RMND5A: variants seen among roughly 807,000 people sequenced by gnomAD.
RMND5A encodes the protein E3 ubiquitin-protein transferase RMND5A.
In RMND5A, 17 loss-of-function variants were observed where a neutral mutation model predicts 49.7. That is an observed-to-expected ratio of 0.34 (90% CI 0.23 to 0.51). The LOEUF is 0.51. RMND5A is among the 20% of genes least tolerant of loss of function. The probability of loss-of-function intolerance (pLI) is 0.96; values close to 1 mark genes in which losing one functional copy is unlikely to be tolerated. For synonymous variants in RMND5A, 156 were observed against 167.7 expected (o/e 0.93, Z 0.54); for missense variants, 255 against 471.3 (o/e 0.54, Z 4.25).
At chr2:86,769,972 A>G in intron 6 of RMND5A, 51 bp from the exon 7 acceptor site, 1 of 1,346,132 alleles carries the variant, frequency 7.4e-7, no homozygotes, top group Non-Finnish European at 1.1e-6. Context: ...CCTTGGACCA[A>G]GCGGCCTGAC....
At position 86,770,084 on chromosome 2, in the gene RMND5A, A is replaced by G; in HGVS notation, c.916A>G (p.Arg306Gly). The change falls in exon 7 of 9, where the codon AGG becomes GGG. Residue 306 changes from arginine to glycine, a missense_variant. Transcript: ENST00000283632. Reference protein sequence around the residue: ...LINIKAVIEQRQCTGVWNQKD... With the variant: ...LINIKAVIEQGQCTGVWNQKD... ...TAACATCAAAGCCGTGATTGAACAG[A>G]GGCAGTGTACTGGAGTTTGGAACCA... The G allele has an allele frequency of 6.2e-7, 1 of 1,614,044 alleles. No individual in the cohort carries two copies. The highest frequency in any genetic ancestry group is 1.7e-4 in the Middle Eastern group (1 of 6,054).
chr2:86,761,171 A>G (rs1322595906), intron 4 of RMND5A, among the ~76,000 whole-genome samples: 1 of 152,192 alleles, frequency 6.6e-6, no homozygotes. Flanking sequence ...TATTGTGAGT[A>G]AGGATGCTGC....
chr2:86,748,407 A>C (rs1398900424), intron 2 of RMND5A: 2 of 152,180 alleles, frequency 1.3e-5, no homozygotes, highest in Admixed American at 6.5e-5. Flanking sequence ...AAGTGTCCAG[A>C]AAACAATCGA....
chr2:86,748,900 C>A (rs1311698315), intron 2 of RMND5A, among the ~76,000 whole-genome samples: 1 of 152,118 alleles, frequency 6.6e-6, no homozygotes, highest in Non-Finnish European at 1.5e-5. Flanking sequence ...AAGTAGAAAC[C>A]TGAAGGTTGT....
In RMND5A at chr2:86,775,599, C is replaced by G. The variant is rs193216041; in HGVS notation, c.*2188C>G. 3 of 152,150 alleles carry G rather than the reference C, an allele frequency of 2.0e-5. No homozygotes were observed. The East Asian group carries it at 5.8e-4, about 29-fold the overall frequency. The allele number at this position is 152,150 out of a possible 1,614,324, so 9.4% of individuals were successfully genotyped here. A position where few individuals can be genotyped will look rare whatever the true frequency, so the allele number is the denominator to read the frequency against. On this transcript the variant is annotated 3_prime_UTR_variant, in exon 9 of 9. Coordinates refer to ENST00000283632, the MANE Select transcript of RMND5A (RefSeq NM_022780.4). ...ACTGTTGACGGTTTTTTGTGCAGCT[C>G]AAGAAAACTTTGAAAAGAACATGCT...
At chr2:86,769,185 A>G (rs1202530004) in intron 6 of RMND5A, among the ~76,000 whole-genome samples, 1 of 152,130 alleles carries the variant, frequency 6.6e-6, no homozygotes, top group Non-Finnish European at 1.5e-5. Context: ...AACTTAGGTA[A>G]TCCTCCCACC....
chr2:86,760,207 A>G (rs1306407321), intron 4 of RMND5A, among the ~76,000 whole-genome samples: 1 of 151,872 alleles, frequency 6.6e-6, no homozygotes, highest in Non-Finnish European at 1.5e-5. Flanking sequence ...ACCACACCCG[A>G]CTAATTTTGT....
At chr2:86,755,428 A>G (rs775715923) in intron 4 of RMND5A, among the ~76,000 whole-genome samples, 8 of 152,250 alleles carry the variant, frequency 5.3e-5, no homozygotes, top group Non-Finnish European at 1.2e-4. Flanking sequence ...GAGAAAGCCT[A>G]CATACATATA....
chr2:86,743,680 C>T (rs1486262625), intron 2 of RMND5A, among the ~76,000 whole-genome samples: 1 of 152,052 alleles, frequency 6.6e-6, no homozygotes, highest in Non-Finnish European at 1.5e-5. Context: ...TCTCATTCGT[C>T]ATATGAAACT....
At chr2:86,735,188 C>T (rs1293579413) in intron 1 of RMND5A, among the ~76,000 whole-genome samples, 1 of 151,588 alleles carries the variant, frequency 6.6e-6, no homozygotes, top group African/African-American at 2.4e-5. Context: ...TGTGAACATT[C>T]TGATTCAGGT....
intron 7 of RMND5A, among the ~76,000 whole-genome samples, chr2:86,770,750 A>T (rs1205651137): frequency 6.6e-6 from 1 of 152,202 alleles, no homozygotes; most frequent in Non-Finnish European, 1.5e-5. Flanking sequence ...TAGAGATAAC[A>T]TAAGCATGCT....
intron 4 of RMND5A, among the ~76,000 whole-genome samples, chr2:86,755,602 C>T (rs551554224): frequency 6.6e-6 from 1 of 152,362 alleles, no homozygotes; most frequent in South Asian, 2.1e-4. Flanking sequence ...TCTGTAGTCA[C>T]TGGCACATAG....
Position 86,765,855 on chromosome 2 carries a change from T to C in RMND5A, c.689-4T>C. 12 of 1,612,466 alleles carry C rather than the reference T, an allele frequency of 7.4e-6. No homozygotes were observed. The highest frequency in any genetic ancestry group is 1.3e-5 in the African/African-American group (1 of 74,976). ...TAATGCTTTCTTGCTGGTGCTTTTT[T>C]TAGACATTCAGGTTTTGATGGGAAG... is the stretch of plus-strand genomic sequence containing the variant. On this transcript the variant is annotated splice_polypyrimidine_tract_variant and splice_region_variant and intron_variant, in intron 5 of 8. Coordinates refer to ENST00000283632, the MANE Select transcript of RMND5A (RefSeq NM_022780.4).
chr2:86,761,616 T>C (rs1672489998), intron 4 of RMND5A, among the ~76,000 whole-genome samples: 1 of 152,216 alleles, frequency 6.6e-6, no homozygotes, highest in Non-Finnish European at 1.5e-5. Flanking sequence ...TTGTACAATT[T>C]AGTCTTAATA....
chr2:86,732,292 T>C (rs1681344426), intron 1 of RMND5A, among the ~76,000 whole-genome samples: 1 of 150,056 alleles, frequency 6.7e-6, no homozygotes, highest in Non-Finnish European at 1.5e-5. Context: ...TCTTTAACAG[T>C]GTGTTTGTGC....
At chr2:86,742,104 G>T (rs1382930704) in intron 2 of RMND5A, among the ~76,000 whole-genome samples, 1 of 129,768 alleles carries the variant, frequency 7.7e-6, no homozygotes, top group Non-Finnish European at 1.6e-5. Context: ...TGACAAGACT[G>T]TGAGTGGCAT....
chr2:86,763,818 C>A (rs1672546144), intron 4 of RMND5A, among the ~76,000 whole-genome samples: 1 of 151,902 alleles, frequency 6.6e-6, no homozygotes, highest in African/African-American at 2.4e-5. Context: ...GTTTACCTGA[C>A]TTGGTGTTAC....
Position 86,753,532 on chromosome 2 carries a change from G to C in RMND5A, c.495G>C (p.Lys165Asn). ...VELNRILEAL[K>N]VRVLRPALEW... ...TAAATAGAATATTAGAGGCATTAAA[G>C]GTCAGAGTTCTGAGACCTGCTCTGG... is the stretch of plus-strand genomic sequence containing the variant. Residue 165 changes from lysine to asparagine, a missense_variant, in exon 4 of 9, where the codon AAG (lysine) becomes AAC (asparagine). Physicochemically the swap from Lys to Asn is moderately conservative, Grantham distance 94. Transcript: ENST00000283632. 6.2e-7 allele frequency: 1 copy of C among 1,609,240 alleles called. No homozygotes were observed. Among genetic ancestry groups the C allele is most frequent in the Non-Finnish European group, 8.5e-7 (1 of 1,176,072 alleles).
intron 8 of RMND5A, 21 bp from the exon 9 acceptor site, chr2:86,773,327 T>C (rs1184452663): frequency 6.6e-7 from 1 of 1,510,666 alleles, no homozygotes; most frequent in Non-Finnish European, 9.2e-7. Flanking sequence ...CTTCACTCAG[T>C]GTTTTCTTCT....
Sources: gnomAD v4.1 joint callset for allele counts (sites outside exome capture counted in the v4.1 genomes callset) on GRCh38, gnomAD v4.1.1 for gene constraint, MANE v1.5 for transcripts, NCBI Gene and HGNC (gene_info 2026-07-23, HGNC 2026-07-21) for gene names.